Variants in MAML3 observed in about 807,000 individuals in gnomAD.
MAML3 encodes mastermind like transcriptional coactivator 3.
In MAML3, 27 loss-of-function variants were observed where a neutral mutation model predicts 101.9. The observed-to-expected ratio is 0.27, with a 90% confidence interval of 0.20 to 0.37. The LOEUF (loss-of-function observed/expected upper bound fraction) is 0.37. Ranked by LOEUF, MAML3 falls within the 10% of genes least tolerant of loss-of-function variation. MAML3 has a pLI of 1.00. For missense variants in MAML3, 1,316 were observed against 1,444.9 expected, an observed-to-expected ratio of 0.91 and a Z score of 1.45; for synonymous variants, 501 against 555.9, an observed-to-expected ratio of 0.90 and a Z score of 1.39.
intron 1 of MAML3, among the ~76,000 whole-genome samples, chr4:139,965,419 C>G (rs1346268577): frequency 3.3e-5 from 5 of 152,174 alleles, no homozygotes; most frequent in Non-Finnish European, 7.3e-5. Context: ...CCATAACAAT[C>G]TGCAGAAAAT....
At chr4:139,993,828 CA>C (rs946659496) in intron 1 of MAML3, among the ~76,000 whole-genome samples, 23 of 142,474 alleles carry the variant, frequency 1.6e-4, no homozygotes, top group African/African-American at 2.8e-4. Flanking sequence ...AACTCTGTCT[CA>C]AAAAAAAAAA....
intron 2 of MAML3, among the ~76,000 whole-genome samples, chr4:139,764,532 C>G (rs1366494636): frequency 6.6e-6 from 1 of 152,180 alleles, no homozygotes; most frequent in Non-Finnish European, 1.5e-5. Flanking sequence ...GCCCTTTTGC[C>G]TGATGTGGGG....
At chr4:139,865,495 TG>T (rs1374204166) in intron 2 of MAML3, among the ~76,000 whole-genome samples, 3 of 95,904 alleles carry the variant, frequency 3.1e-5, no homozygotes, top group Non-Finnish European at 5.5e-5. Context: ...GTTTTTTTTT[TG>T]TTTTTTTTTT....
intron 2 of MAML3, among the ~76,000 whole-genome samples, chr4:139,758,443 G>T (rs147061111): frequency 5.9e-5 from 9 of 152,234 alleles, no homozygotes; most frequent in African/African-American, 7.2e-5. Context: ...TTATCGATCT[G>T]TGTGTGCAGA....
At chr4:139,778,483 A>G (rs777351557) in intron 2 of MAML3, among the ~76,000 whole-genome samples, 1 of 152,202 alleles carries the variant, frequency 6.6e-6, no homozygotes, top group Non-Finnish European at 1.5e-5. Context: ...GTGGAAGGAG[A>G]AAAAGATGGG....
chr4:139,949,279 T>C (rs1452693312), intron 1 of MAML3, among the ~76,000 whole-genome samples: 1 of 152,176 alleles, frequency 6.6e-6, no homozygotes, highest in Non-Finnish European at 1.5e-5. Flanking sequence ...CCTCCCAAAG[T>C]GCTGGGATTA....
chr4:140,057,710 A>G (rs1467501574), intron 1 of MAML3, among the ~76,000 whole-genome samples: 1 of 152,192 alleles, frequency 6.6e-6, no homozygotes, highest in African/African-American at 2.4e-5. Context: ...GGGAGGTATT[A>G]AACTCATTAG....
rs117131060 is a variant in MAML3, at chr4:139,783,315, C to T, written c.2080-52648G>A. On this transcript the variant is annotated intron_variant, in intron 2 of 4. Coordinates refer to ENST00000509479, the MANE Select transcript of MAML3 (RefSeq NM_018717.5). ...CTCCAGTATTCCGGTGTTCCTGTGA[C>T]GTCCTGCTCCTGGAGTCAGGTCCTA... 2.1e-3 allele frequency among the ~76,000 whole-genome samples: 327 copies of T among 152,312 alleles called. 6 individuals carry two copies. In the East Asian group the frequency reaches 0.057, roughly 27 times the overall value.
intron 1 of MAML3, among the ~76,000 whole-genome samples, chr4:139,962,085 C>T (rs533399486): frequency 2.0e-5 from 3 of 150,688 alleles, no homozygotes; most frequent in South Asian, 4.2e-4. Context: ...ATCATGCCAC[C>T]GCATTCCAGC....
chr4:139,760,530 C>T (rs56103251), intron 2 of MAML3, among the ~76,000 whole-genome samples: 13,119 of 152,134 alleles, frequency 0.086, 754 homozygotes, highest in African/African-American at 0.16. Flanking sequence ...GCACAGGACA[C>T]GCTCAATAAC....
chr4:139,759,781 T>A (rs1462706439), intron 2 of MAML3, among the ~76,000 whole-genome samples: 1 of 152,196 alleles, frequency 6.6e-6, no homozygotes, highest in East Asian at 1.9e-4. Flanking sequence ...ATATCGAGAA[T>A]GAATAAATAA....
chr4:139,832,116 T>A (rs1346403562), intron 2 of MAML3, among the ~76,000 whole-genome samples: 1 of 120,164 alleles, frequency 8.3e-6, no homozygotes, highest in Non-Finnish European at 1.7e-5. Context: ...TTTTTTTTTT[T>A]TTTTTTGAGA....
chr4:140,069,319 C>T (rs1727590057), intron 1 of MAML3, among the ~76,000 whole-genome samples: 3 of 142,674 alleles, frequency 2.1e-5, no homozygotes, highest in Non-Finnish European at 4.5e-5. Flanking sequence ...AAGACTCTGT[C>T]CAAGAAGAAG....
At chr4:140,134,637 G>A (rs115951138) in intron 1 of MAML3, 5,945 of 269,384 alleles carry the variant, frequency 0.022, 96 homozygotes, top group South Asian at 0.04. Flanking sequence ...ACATACATGT[G>A]TATTTTTTTC....
rs150812945 is a variant in MAML3, at chr4:140,085,791, T to C, written c.468+67069A>G. 1.5e-3 allele frequency among the ~76,000 whole-genome samples: 229 copies of C among 152,294 alleles called. 1 individual carries two copies. Among genetic ancestry groups the C allele is most frequent in the African/African-American group, 4.9e-3 (204 of 41,556 alleles). On this transcript the variant is annotated intron_variant, in intron 1 of 4. Transcript: ENST00000509479. ...AATAAGACACCCAAAATCCTACCTATTGGGTGTAGCTGCTGCCTTCATTAG... is the reference window on the plus strand; with the variant it reads ...AATAAGACACCCAAAATCCTACCTACTGGGTGTAGCTGCTGCCTTCATTAG...
At chr4:139,836,489 CAAT>C (rs1179128409) in intron 2 of MAML3, among the ~76,000 whole-genome samples, 2 of 152,110 alleles carry the variant, frequency 1.3e-5, no homozygotes, top group Non-Finnish European at 2.9e-5. Context: ...TTCAAAACAA[CAAT>C]GATGATCCTC....
At chr4:139,809,343 G>T (rs1730753611) in intron 2 of MAML3, among the ~76,000 whole-genome samples, 1 of 152,202 alleles carries the variant, frequency 6.6e-6, no homozygotes, top group Non-Finnish European at 1.5e-5. Context: ...TATCTTGAGA[G>T]GATGTGCTCT....
At position 139,889,439 on chromosome 4, in the gene MAML3, T is replaced by C. The variant is rs772290699; in HGVS notation, c.1997A>G (p.Asp666Gly). Residue 666 changes from aspartate (D) to glycine (G), a missense_variant, in exon 2 of 5, where the codon GAC (aspartate) becomes GGC (glycine). Transcript: ENST00000509479. Reference protein sequence around the residue: ...LQAPRAHLSEDQKRLLLMKQK... With the variant: ...LQAPRAHLSEGQKRLLLMKQK... ...CTTCATGAGAAGCAGGCGTTTCTGG[T>C]CTTCGCTCAGGTGTGCCCTGGGGGC... 5.2e-5 allele frequency: 84 copies of C among 1,613,948 alleles called. No homozygotes were observed. The highest frequency in any genetic ancestry group is 6.5e-5 in the Non-Finnish European group (77 of 1,179,906).
At chr4:139,988,027 A>AC (rs1213589600) in intron 1 of MAML3, among the ~76,000 whole-genome samples, 1 of 133,164 alleles carries the variant, frequency 7.5e-6, no homozygotes, top group African/African-American at 2.6e-5. Flanking sequence ...TCTCAAAAAA[A>AC]AAAAAAAAAA....
Sources: allele counts gnomAD v4.1 joint callset (sites outside exome capture counted in the v4.1 genomes callset), GRCh38; gene constraint gnomAD v4.1.1; transcripts MANE v1.5; gene names NCBI Gene and HGNC (gene_info 2026-07-23, HGNC 2026-07-21).